The following HDGFL3 variants were observed in gnomAD, a reference collection of about 807,000 sequenced individuals.
HDGFL3 encodes hepatoma-derived growth factor-related protein 3.
Under a neutral mutation model 27.6 loss-of-function variants are expected in HDGFL3, and 6 were observed. That is an observed-to-expected ratio of 0.22 (90% CI 0.12 to 0.43). The LOEUF is 0.43. HDGFL3 is among the 20% of genes least tolerant of loss of function. The pLI, the probability that HDGFL3 is intolerant of heterozygous loss-of-function variation, is 1.00. For missense variants in HDGFL3, 207 were observed against 250.1 expected (o/e 0.83, Z 1.16); for synonymous variants, 88 against 88.9 (o/e 0.99, Z 0.05).
chr15:83,179,204 A>T (rs1309033176), intron 1 of HDGFL3: 2 of 152,306 alleles, frequency 1.3e-5, no homozygotes, highest in Non-Finnish European at 2.9e-5. Context: ...TTCGGAGTGC[A>T]ATTTCCATGT....
At chr15:83,125,317 G>T (rs1045556641), downstream of HDGFL3, among the ~76,000 whole-genome samples, 1 of 152,148 alleles carries the variant, frequency 6.6e-6, no homozygotes, top group African/African-American at 2.4e-5. Context: ...AGGGCACATG[G>T]GCATTTCATG....
At chr15:83,169,840 G>A (rs1211292123) in intron 1 of HDGFL3, among the ~76,000 whole-genome samples, 1 of 151,984 alleles carries the variant, frequency 6.6e-6, no homozygotes, top group Non-Finnish European at 1.5e-5. Context: ...TTGTCAAAAG[G>A]CTCCTGGTAA....
At chr15:83,152,469 G>A (rs949064420) in intron 4 of HDGFL3, among the ~76,000 whole-genome samples, 3 of 152,158 alleles carry the variant, frequency 2.0e-5, no homozygotes, top group Non-Finnish European at 2.9e-5. Flanking sequence ...GGGAGGCTGT[G>A]GTGGACAGAT....
chr15:83,126,774 C>A (rs760311621), downstream of HDGFL3: 12 of 1,613,370 alleles, frequency 7.4e-6, no homozygotes, highest in South Asian at 1.1e-5. Flanking sequence ...GATTGCCCAT[C>A]TGAGCTCTGC....
At chr15:83,171,966 T>C (rs1477419740) in intron 1 of HDGFL3, among the ~76,000 whole-genome samples, 1 of 152,354 alleles carries the variant, frequency 6.6e-6, no homozygotes, top group East Asian at 1.9e-4. Context: ...TCCTCATCCA[T>C]GGCAATTTAA....
chr15:83,154,039 GCA>G (rs1942334014), intron 4 of HDGFL3, among the ~76,000 whole-genome samples: 1 of 151,948 alleles, frequency 6.6e-6, no homozygotes, highest in African/African-American at 2.4e-5. Context: ...AACAGGCCGG[GCA>G]CAGTGGCTCA....
intron 1 of HDGFL3, among the ~76,000 whole-genome samples, chr15:83,188,570 T>C (rs1406986920): frequency 1.3e-5 from 2 of 152,238 alleles, no homozygotes; most frequent in East Asian, 3.8e-4. Flanking sequence ...ACTCATCTGA[T>C]ATGTACAATT....
chr15:83,186,798 T>C (rs1339846678), intron 1 of HDGFL3, among the ~76,000 whole-genome samples: 2 of 152,172 alleles, frequency 1.3e-5, no homozygotes, highest in African/African-American at 4.8e-5. Flanking sequence ...ACTCAGGTGA[T>C]GGTGCACTAA....
chr15:83,182,456 T>C lies in HDGFL3; in HGVS notation c.85-18381A>G, dbSNP rs189744965. 4.3e-4 allele frequency among the ~76,000 whole-genome samples: 65 copies of C among 152,344 alleles called. 1 individual carries two copies. In the East Asian group the frequency reaches 0.011, roughly 26 times the overall value. On this transcript the variant is annotated intron_variant, in intron 1 of 5. Coordinates refer to ENST00000299633, the MANE Select transcript of HDGFL3 (RefSeq NM_016073.4). ...TCCTAATGAAAGTGGCCAAACCAACTATGGCATATTCATACAAGGGAACAC... is the reference window on the plus strand; with the variant it reads ...TCCTAATGAAAGTGGCCAAACCAACCATGGCATATTCATACAAGGGAACAC...
exon 4 of HDGFL3, chr15:83,114,078 A>G (rs1183986526): frequency 1.3e-5 from 2 of 152,330 alleles, no homozygotes; most frequent in South Asian, 2.1e-4. Context: ...CAAGGCCCAC[A>G]TGCCTTTTCC....
downstream of HDGFL3, among the ~76,000 whole-genome samples, chr15:83,125,907 G>A (rs754784061): frequency 1.3e-5 from 2 of 152,194 alleles, no homozygotes; most frequent in Non-Finnish European, 2.9e-5. Flanking sequence ...GGGGCATGGG[G>A]AAGAGAAGTA....
chr15:83,154,641 G>T (rs1255718050), intron 4 of HDGFL3, among the ~76,000 whole-genome samples: 1 of 152,130 alleles, frequency 6.6e-6, no homozygotes, highest in Non-Finnish European at 1.5e-5. Flanking sequence ...GGAAAACAGG[G>T]ATTTAATGAT....
rs1043173499 is a variant in HDGFL3 at position 83,207,809 on chromosome 15, T to G, written c.-395A>C. 1 of 149,708 alleles carries G rather than the reference T, an allele frequency of 6.7e-6. No homozygotes were observed. Among genetic ancestry groups the G allele is most frequent in the African/African-American group, 2.5e-5 (1 of 40,712 alleles). 9.3% of individuals were successfully genotyped at this position (149,708 alleles called of 1,614,324 possible). On this transcript the variant is annotated 5_prime_UTR_variant, in exon 1 of 6. Coordinates refer to ENST00000299633, the MANE Select transcript of HDGFL3 (RefSeq NM_016073.4). This position sits in a 1 kb window ranked among gnomAD's most constrained non-coding sequence, Gnocchi z 4.8. ...CGCGAGCGCCGGGCCTCGCGTCTGCTCCGAATTCCTTCTCGGGCAGCGACC... is the reference window on the plus strand; with the variant it reads ...CGCGAGCGCCGGGCCTCGCGTCTGCGCCGAATTCCTTCTCGGGCAGCGACC...
At chr15:83,144,665 T>C in intron 5 of HDGFL3, 2 of 386,938 alleles carry the variant, frequency 5.2e-6, no homozygotes, top group Admixed American at 3.2e-5. Context: ...ACAATTTGAG[T>C]GATCTTAGAA....
At chr15:83,206,503 G>A (rs987740134) in intron 1 of HDGFL3, among the ~76,000 whole-genome samples, 3 of 152,224 alleles carry the variant, frequency 2.0e-5, no homozygotes, top group East Asian at 1.9e-4. Flanking sequence ...AATTGTGAAT[G>A]CTATGTATTA....
chr15:83,139,293 A>AAG lies in HDGFL3; in HGVS notation c.607-19_607-18insCT. 1 of 1,392,870 alleles carries AAG rather than the reference A, an allele frequency of 7.2e-7. No individual in the cohort carries two copies. Among genetic ancestry groups the AAG allele is most frequent in the Non-Finnish European group, 9.7e-7 (1 of 1,036,082 alleles). The allele number at this position is 1,392,870 out of a possible 1,614,324, so 86.3% of individuals were successfully genotyped here. A position where few individuals can be genotyped will look rare whatever the true frequency, so the allele number is the denominator to read the frequency against. Reference sequence around the variant, plus strand: ...AGTTAGGTCTGTAAAAAAAAAAAAAAGAAAGAAAACAAGCCTTTAGATGAT... The same window carrying AAG: ...AGTTAGGTCTGTAAAAAAAAAAAAAAAGGAAAGAAAACAAGCCTTTAGATGAT... On this transcript the variant is annotated intron_variant, in intron 5 of 5. Transcript: ENST00000299633.
At position 83,151,491 on chromosome 15, in the gene HDGFL3, T is replaced by C. The variant is rs1233883469; in HGVS notation, c.460-130A>G. The C allele has an allele frequency of 4.4e-6, 3 of 689,298 alleles. No individual in the cohort carries two copies. In the African/African-American group the frequency reaches 5.5e-5, roughly 13 times the overall value. The allele number at this position is 689,298 out of a possible 1,614,324, so 42.7% of individuals were successfully genotyped here. On this transcript the variant is annotated intron_variant, in intron 4 of 5. Coordinates refer to ENST00000299633, the MANE Select transcript of HDGFL3 (RefSeq NM_016073.4). ...TGATAGAGGATATACTGACACAACA[T>C]GTAGTATGCCAAGGCTGAGCTAGGT... is the stretch of plus-strand genomic sequence containing the variant.
chr15:83,121,971 GTGT>G (rs778148794), intron 3 of HDGFL3: 14 of 1,611,418 alleles, frequency 8.7e-6, no homozygotes, highest in African/African-American at 2.7e-5. Flanking sequence ...ATTATTATGA[GTGT>G]TGTTGTTTTT....
At chr15:83,170,749 C>A (rs891234750) in intron 1 of HDGFL3, among the ~76,000 whole-genome samples, 6 of 151,694 alleles carry the variant, frequency 4.0e-5, no homozygotes, top group Non-Finnish European at 7.4e-5. Flanking sequence ...AGCTTCTGCA[C>A]AGCAAAAGAA....
Sources: allele counts gnomAD v4.1 joint callset (sites outside exome capture counted in the v4.1 genomes callset), GRCh38; gene constraint gnomAD v4.1.1; non-coding constraint Gnocchi (gnomAD v3.1); transcripts MANE v1.5; gene names NCBI Gene and HGNC (gene_info 2026-07-23, HGNC 2026-07-21).